The following TRIO variants were observed in gnomAD, a reference collection of about 807,000 sequenced individuals.
TRIO encodes the protein triple functional domain protein.
Under a neutral mutation model 351.9 loss-of-function variants are expected in TRIO, and 58 were observed. That is an observed-to-expected ratio of 0.16 (90% confidence interval 0.13 to 0.21). The LOEUF (loss-of-function observed/expected upper bound fraction) is 0.21, where lower values mean the gene tolerates loss of function less well. TRIO is among the 10% of genes least tolerant of loss of function. The pLI, the probability that TRIO is intolerant of heterozygous loss-of-function variation, is 1.00. For synonymous variants in TRIO, 1,758 were observed against 1,595.7 expected (o/e 1.10, Z -2.42); for missense variants, 3,201 against 4,027.8 (o/e 0.79, Z 5.56).
intron 29 of TRIO, among the ~76,000 whole-genome samples, chr5:14,397,787 G>A (rs1383721536): frequency 1.3e-5 from 2 of 151,712 alleles, no homozygotes; most frequent in South Asian, 2.1e-4. Context: ...TGCCACTGTG[G>A]GTAATAAGAC....
Position 14,286,384 on chromosome 5 carries a change from G to C in TRIO, c.348-487G>C, listed in dbSNP as rs1462761204. 1.3e-5 allele frequency among the ~76,000 whole-genome samples: 2 copies of C among 152,066 alleles called. No homozygotes were observed. Among genetic ancestry groups the C allele is most frequent in the African/African-American group, 4.8e-5 (2 of 41,400 alleles). The stretch of plus-strand genomic sequence containing the variant: ...ATCATTGCCAGCCATGCTAGTGGGG[G>C]GTCATTTTCAGCACCTGGGGTGCTG... On this transcript the variant is annotated intron_variant, in intron 3 of 56. Transcript: ENST00000344204. This position sits in a 1 kb window ranked among gnomAD's most constrained non-coding sequence, Gnocchi z 4.4.
intron 1 of TRIO, among the ~76,000 whole-genome samples, chr5:14,153,521 T>G (rs1466097217): frequency 6.6e-6 from 1 of 152,208 alleles, no homozygotes; most frequent in Non-Finnish European, 1.5e-5. Flanking sequence ...CCACCACTGG[T>G]TTTACCATCC....
intron 34 of TRIO, among the ~76,000 whole-genome samples, chr5:14,458,527 A>T (rs1443152553): frequency 6.6e-6 from 1 of 152,124 alleles, no homozygotes; most frequent in Non-Finnish European, 1.5e-5. Flanking sequence ...GTACAGGATA[A>T]TTTTGTGATC....
At chr5:14,202,196 C>T (rs887776316) in intron 1 of TRIO, among the ~76,000 whole-genome samples, 21 of 151,212 alleles carry the variant, frequency 1.4e-4, no homozygotes, top group African/African-American at 4.6e-4. Flanking sequence ...GATAACCCAG[C>T]ATTGCTAGGC....
intron 2 of TRIO, among the ~76,000 whole-genome samples, chr5:14,273,128 T>C (rs1735184167): frequency 2.0e-5 from 3 of 152,318 alleles, no homozygotes; most frequent in Middle Eastern, 6.8e-3. Context: ...ATTTACTTTC[T>C]GCTCTGACCC....
chr5:14,330,340 A>C (rs1288301457), intron 9 of TRIO, among the ~76,000 whole-genome samples: 1 of 152,224 alleles, frequency 6.6e-6, no homozygotes, highest in East Asian at 1.9e-4. Context: ...ATGGAAAAAA[A>C]ATGACTCTGT....
intron 9 of TRIO, among the ~76,000 whole-genome samples, chr5:14,324,895 A>G (rs982075054): frequency 6.6e-6 from 1 of 152,242 alleles, no homozygotes. Context: ...GCACTTATTA[A>G]GTACTCAGTA....
chr5:14,369,916 G>A lies in TRIO; in HGVS notation c.3216+393G>A, dbSNP rs571829486. On this transcript the variant is annotated intron_variant, in intron 18 of 56. Transcript: ENST00000344204. ...ATTCCCTTCATAGGGAATGAAGATTGCATCTCAGAAGAGGTGTAAGCACGG... is the reference window on the plus strand; with the variant it reads ...ATTCCCTTCATAGGGAATGAAGATTACATCTCAGAAGAGGTGTAAGCACGG... Among the ~76,000 whole-genome samples the A allele has an allele frequency of 2.6e-5, 4 of 152,264 alleles. No homozygotes were observed. The East Asian group carries it at 7.7e-4, about 29-fold the overall frequency.
intron 1 of TRIO, among the ~76,000 whole-genome samples, chr5:14,152,593 A>G (rs1466432055): frequency 6.6e-6 from 1 of 152,004 alleles, no homozygotes; most frequent in Non-Finnish European, 1.5e-5. Flanking sequence ...GCTGGTCTTG[A>G]ACTCCTGACC....
intron 1 of TRIO, among the ~76,000 whole-genome samples, chr5:14,151,386 TTGTG>T (rs34382232): frequency 2.4e-4 from 35 of 148,602 alleles, no homozygotes; most frequent in East Asian, 9.8e-4. Flanking sequence ...GTGTGTGTGT[TTGTG>T]TGTGTGTGTG....
Position 14,487,918 on chromosome 5 carries a change from A to G in TRIO, c.7290A>G (p.Pro2430=), listed in dbSNP as rs1756091913. 1 of 1,539,106 alleles carries G rather than the reference A, an allele frequency of 6.5e-7. No homozygotes were observed. The highest frequency in any genetic ancestry group is 1.9e-4 in the Middle Eastern group (1 of 5,308). The change falls in exon 48 of 57, where the codon CCA becomes CCG. Residue 2430 remains proline, a synonymous_variant. Coordinates refer to ENST00000344204, the MANE Select transcript of TRIO (RefSeq NM_007118.4). ...CCGCGAACGCCTCGGGGTCGAGCCC[A>G]GACGCCCCCGCCAAGGACGCGCGCG... ...KGAANASGSS[P]DAPAKDARAS...
intron 8 of TRIO, among the ~76,000 whole-genome samples, chr5:14,310,085 G>C (rs934713408): frequency 6.6e-6 from 1 of 152,224 alleles, no homozygotes; most frequent in Non-Finnish European, 1.5e-5. Flanking sequence ...ACTTGCTTCA[G>C]CTTGCCAGCT....
At chr5:14,224,462 A>T (rs371428566) in intron 1 of TRIO, among the ~76,000 whole-genome samples, 1 of 152,122 alleles carries the variant, frequency 6.6e-6, no homozygotes, top group Admixed American at 6.5e-5. Context: ...GAATATACTA[A>T]AAGATTCACT....
intron 2 of TRIO, among the ~76,000 whole-genome samples, chr5:14,277,880 A>T (rs527364007): frequency 6.6e-6 from 1 of 152,366 alleles, no homozygotes; most frequent in South Asian, 2.1e-4. Flanking sequence ...GCAGAAAGTG[A>T]TCATTAACTG....
At position 14,275,005 on chromosome 5, in the gene TRIO, T is replaced by C. The variant is rs114820554; in HGVS notation, c.232+4106T>C. On this transcript the variant is annotated intron_variant, in intron 2 of 56. Coordinates refer to ENST00000344204, the MANE Select transcript of TRIO (RefSeq NM_007118.4). Reference sequence around the variant, plus strand: ...TTGCTAGGCATATCCACCGGGTGGGTTGTCGTTTTTGTGTCTCTTTAGTGG... The same window carrying C: ...TTGCTAGGCATATCCACCGGGTGGGCTGTCGTTTTTGTGTCTCTTTAGTGG... Among the ~76,000 whole-genome samples, 128 of 152,300 alleles carry C rather than the reference T, an allele frequency of 8.4e-4. 2 individuals carry two copies. The highest frequency in any genetic ancestry group is 3.0e-3 in the African/African-American group (125 of 41,554).
chr5:14,387,679 C>T lies in TRIO; in HGVS notation c.3765+47C>T, dbSNP rs193219076. 1.5e-4 allele frequency: 234 copies of T among 1,609,324 alleles called. 1 individual carries two copies. The African/African-American group carries it at 2.0e-3, about 14-fold the overall frequency. On this transcript the variant is annotated intron_variant, in intron 22 of 56. Coordinates refer to ENST00000344204, the MANE Select transcript of TRIO (RefSeq NM_007118.4). ...GAATAAATTATGGTCTTCTTCCTAA[C>T]GCCCTCTCTGCTGATTTAATTAACT... is the stretch of plus-strand genomic sequence containing the variant.
chr5:14,290,587 G>C, intron 4 of TRIO, 129 bp from the exon 5 acceptor site: 1 of 942,148 alleles, frequency 1.1e-6, no homozygotes, highest in East Asian at 2.6e-5. Context: ...CCAGAACCAG[G>C]TATGTTATGT....
rs1172601610 is a variant in TRIO at position 14,290,808 on chromosome 5, A to G, written c.633A>G (p.Glu211=). ...EFDGCLEYNH[E]EWIEIRVAFE... ...ATGGCTGCCTGGAATACAACCACGA[A>G]GAATGGATTGAAATCAGAGTTGCTT... Residue 211 remains glutamate (E), a synonymous_variant, in exon 5 of 57, where the codon GAA becomes GAG. Transcript: ENST00000344204. 6.2e-7 allele frequency: 1 copy of G among 1,614,200 alleles called. No homozygotes were observed. The highest frequency in any genetic ancestry group is 1.7e-5 in the Admixed American group (1 of 60,030).
chr5:14,502,529 C>T (rs1002457247), intron 53 of TRIO, 50 bp from the exon 54 acceptor site: 5 of 1,597,560 alleles, frequency 3.1e-6, no homozygotes. Context: ...CCTTCTTACC[C>T]AAGAAGCTCC....
Sources: allele counts gnomAD v4.1 joint callset (sites outside exome capture counted in the v4.1 genomes callset), GRCh38; gene constraint gnomAD v4.1.1; non-coding constraint Gnocchi (gnomAD v3.1); transcripts MANE v1.5; gene names NCBI Gene and HGNC (gene_info 2026-07-23, HGNC 2026-07-21).